Variants in ABI3BP observed in about 807,000 individuals in gnomAD.
The protein encoded by ABI3BP is target of Nesh-SH3.
In ABI3BP, 216 loss-of-function variants were observed where a neutral mutation model predicts 268.6. The observed-to-expected ratio is 0.80, with a 90% CI of 0.72 to 0.90. ABI3BP has a LOEUF of 0.90. ABI3BP is among the 40% of genes least tolerant of loss of function. The pLI, the probability that ABI3BP is intolerant of heterozygous loss-of-function variation, is 0.00. For missense variants in ABI3BP, 2,090 were observed against 2,182.4 expected, an observed-to-expected ratio of 0.96 and a Z score of 0.84; for synonymous variants, 730 against 730.0, an observed-to-expected ratio of 1.00 and a Z score of 0.00.
In ABI3BP at chr3:100,750,135, T is replaced by C. The variant is rs752613841; in HGVS notation, c.*360A>G. 1.5e-5 allele frequency: 3 copies of C among 201,384 alleles called. No individual in the cohort carries two copies. The highest frequency in any genetic ancestry group is 2.7e-5 in the Non-Finnish European group (3 of 109,116). 12.5% of individuals were successfully genotyped at this position (201,384 alleles called of 1,614,324 possible). ...AAGAGTACACATCAATAAAAGTAAA[T>C]TTTTTTTAAAAAGTATATACCTTTT... On this transcript the variant is annotated 3_prime_UTR_variant, in exon 68 of 68. Transcript: ENST00000471714.
At position 100,862,872 on chromosome 3, in the gene ABI3BP, T is replaced by C; in HGVS notation, c.1176A>G (p.Thr392=). 6.5e-7 allele frequency: 1 copy of C among 1,535,706 alleles called. No homozygotes were observed. Among genetic ancestry groups the C allele is most frequent in the South Asian group, 1.2e-5 (1 of 84,018 alleles). ...CCCTAGGTTTCTCAAAAGGGAAGGG[T>C]GTTTTTGCCTCAGGAAATTCTGGAA... The part of the protein sequence containing the change: ...KSLPEFPEAK[T]PFPFEKPRGT... Residue 392 remains threonine, a synonymous_variant, in exon 13 of 68, where the codon ACA becomes ACG. Coordinates refer to ENST00000471714, the MANE Select transcript of ABI3BP (RefSeq NM_001375547.2).
intron 2 of ABI3BP, among the ~76,000 whole-genome samples, chr3:100,915,751 G>A (rs1046284698): frequency 1.3e-5 from 2 of 152,174 alleles, no homozygotes; most frequent in Non-Finnish European, 2.9e-5. Flanking sequence ...CTGGTCATCC[G>A]ATCTTGAAGC....
At chr3:100,898,413 T>C (rs2048675202) in intron 4 of ABI3BP, among the ~76,000 whole-genome samples, 3 of 152,238 alleles carry the variant, frequency 2.0e-5, no homozygotes, top group South Asian at 4.1e-4. Context: ...AATTGTGAGA[T>C]CAAAGATCCA....
At chr3:100,789,601 T>C in intron 55 of ABI3BP, 85 bp from the exon 56 acceptor site, 1 of 1,300,406 alleles carries the variant, frequency 7.7e-7, no homozygotes, top group South Asian at 1.3e-5. Context: ...GACCAACAAC[T>C]CATACACTTT....
Position 100,866,885 on chromosome 3 carries a change from T to C in ABI3BP, c.982A>G (p.Thr328Ala), listed in dbSNP as rs763686746. Residue 328 changes from threonine (T) to alanine (A), a missense_variant, in exon 10 of 68, where the codon ACA (threonine) becomes GCA (alanine). Coordinates refer to ENST00000471714, the MANE Select transcript of ABI3BP (RefSeq NM_001375547.2). ...AACATAGCGATCTCATTACCTGTTG[T>C]GGGTCGTGCTGAGATTTTTTCAACC... is the stretch of plus-strand genomic sequence containing the variant. ...PEVEKISARP[T>A]TVTPETVPRS... 2 of 1,613,676 alleles carry C rather than the reference T, an allele frequency of 1.2e-6. No homozygotes were observed. Among genetic ancestry groups the C allele is most frequent in the Non-Finnish European group, 1.7e-6 (2 of 1,179,606 alleles).
At chr3:100,976,679 T>G (rs2086379083) in intron 1 of ABI3BP, among the ~76,000 whole-genome samples, 2 of 152,178 alleles carry the variant, frequency 1.3e-5, no homozygotes, top group South Asian at 4.1e-4. Flanking sequence ...GGCATAAGTT[T>G]CAAGATGGGG....
At chr3:100,885,320 T>A (rs2041468125) in intron 6 of ABI3BP, among the ~76,000 whole-genome samples, 1 of 152,076 alleles carries the variant, frequency 6.6e-6, no homozygotes, top group East Asian at 1.9e-4. Flanking sequence ...ACATTGAATC[T>A]TAGAATTTTA....
chr3:100,981,238 T>C (rs1190536375), intron 1 of ABI3BP, among the ~76,000 whole-genome samples: 4 of 107,142 alleles, frequency 3.7e-5, no homozygotes, highest in Non-Finnish European at 5.6e-5. Flanking sequence ...ACAACACTTT[T>C]GCCTTAAAAA....
chr3:100,884,383 C>G (rs949635234), intron 6 of ABI3BP, among the ~76,000 whole-genome samples: 2 of 152,126 alleles, frequency 1.3e-5, no homozygotes, highest in South Asian at 4.1e-4. Flanking sequence ...GTAACAACCT[C>G]ATAATTACTA....
chr3:100,810,605 A>G (rs1000224018), intron 48 of ABI3BP, 128 bp from the exon 49 acceptor site: 6 of 621,978 alleles, frequency 9.6e-6, no homozygotes, highest in Non-Finnish European at 1.4e-5. Flanking sequence ...GCAGCAAAAC[A>G]GCATTCCTAC....
At chr3:100,969,042 G>T (rs186166461) in intron 1 of ABI3BP, among the ~76,000 whole-genome samples, 1 of 152,266 alleles carries the variant, frequency 6.6e-6, no homozygotes, top group East Asian at 1.9e-4. Flanking sequence ...CACCAATAAG[G>T]TCAGTATTGC....
chr3:100,985,453 A>G (rs2091420095), intron 1 of ABI3BP, among the ~76,000 whole-genome samples: 1 of 152,080 alleles, frequency 6.6e-6, no homozygotes, highest in African/African-American at 2.4e-5. Context: ...CTGGCCAGAA[A>G]AGCACATTTT....
Position 100,889,353 on chromosome 3 carries a change from C to T in ABI3BP, c.462-3030G>A, listed in dbSNP as rs577564548. Among the ~76,000 whole-genome samples, 4 of 152,224 alleles carry T rather than the reference C, an allele frequency of 2.6e-5. No homozygotes were observed. In the South Asian group the frequency reaches 8.3e-4, roughly 32 times the overall value. The stretch of plus-strand genomic sequence containing the variant: ...TCCTAATCTAATGCCTTTTGTACTG[C>T]ACTGGACTCTTTCAACTGTGGTGCT... On this transcript the variant is annotated intron_variant, in intron 4 of 67. Transcript: ENST00000471714.
chr3:100,840,975 T>C, intron 21 of ABI3BP, 117 bp from the exon 22 acceptor site: 1 of 797,850 alleles, frequency 1.3e-6, no homozygotes, highest in Non-Finnish European at 1.9e-6. Flanking sequence ...ATATAAATGG[T>C]GAAGCTTTTA....
At chr3:100,960,963 C>A (rs922393250) in intron 1 of ABI3BP, among the ~76,000 whole-genome samples, 1 of 152,198 alleles carries the variant, frequency 6.6e-6, no homozygotes, top group African/African-American at 2.4e-5. Context: ...GAGAAACTAG[C>A]AAAGCCCACC....
chr3:100,873,999 T>C (rs537981505), intron 9 of ABI3BP, among the ~76,000 whole-genome samples: 11 of 152,348 alleles, frequency 7.2e-5, no homozygotes, highest in African/African-American at 2.6e-4. Context: ...TAAGGTTTGT[T>C]CAATTTCTAC....
intron 1 of ABI3BP, among the ~76,000 whole-genome samples, chr3:100,982,619 A>G (rs1045904048): frequency 2.0e-5 from 3 of 151,998 alleles, no homozygotes; most frequent in African/African-American, 7.2e-5. Context: ...TTCAGTATTT[A>G]TCTTTCCAGC....
At chr3:100,813,583 T>C in intron 45 of ABI3BP, 78 bp downstream of exon 45, 1 of 1,147,652 alleles carries the variant, frequency 8.7e-7, no homozygotes, top group East Asian at 2.6e-5. Context: ...TTTTTATCTT[T>C]GGAAATATAA....
At chr3:100,948,952 A>T (rs1007489423) in intron 1 of ABI3BP, among the ~76,000 whole-genome samples, 112 of 152,310 alleles carry the variant, frequency 7.4e-4, no homozygotes, top group Admixed American at 3.3e-3. Flanking sequence ...GAATATTTTT[A>T]AAAAATTATT....
Sources: gnomAD v4.1 joint callset for allele counts (sites outside exome capture counted in the v4.1 genomes callset) on GRCh38, gnomAD v4.1.1 for gene constraint, MANE v1.5 for transcripts, NCBI Gene and HGNC (gene_info 2026-07-23, HGNC 2026-07-21) for gene names.